The following DMKN variants were observed in gnomAD, a reference collection of about 807,000 sequenced individuals.
The protein encoded by DMKN is dermokine.
A neutral mutation model predicts 67.6 loss-of-function variants in DMKN; 58 were observed. The ratio of observed to expected loss-of-function variants is 0.86; its 90% CI spans 0.69 to 1.07. The LOEUF is 1.07. Among genes scored for constraint, DMKN ranks in the 50% least tolerant of loss-of-function variants. The probability of loss-of-function intolerance (pLI) is 0.00; values close to 1 mark genes in which losing one functional copy is unlikely to be tolerated. For synonymous variants in DMKN, 240 were observed against 232.3 expected (o/e 1.03, Z -0.30); for missense variants, 596 against 601.5 (o/e 0.99, Z 0.10).
intron 11 of DMKN, chr19:35,501,830 T>C (rs1320513460): frequency 6.4e-7 from 1 of 1,573,036 alleles, no homozygotes; most frequent in Non-Finnish European, 8.6e-7. Flanking sequence ...CACCCAGCCG[T>C]GGCTCCCCTG....
intron 7 of DMKN, chr19:35,507,390 T>A (rs1568610168): frequency 6.8e-7 from 1 of 1,461,964 alleles, no homozygotes; most frequent in Non-Finnish European, 9.3e-7. Flanking sequence ...TTTGTTTCTT[T>A]TCCCAGGATC....
At chr19:35,504,295 G>A (rs2069007478) in intron 9 of DMKN, among the ~76,000 whole-genome samples, 1 of 152,184 alleles carries the variant, frequency 6.6e-6, no homozygotes, top group African/African-American at 2.4e-5. Context: ...GAAACAGAGA[G>A]GCCAGATGCA....
In DMKN at chr19:35,509,841, TAGG is replaced by T. The variant is rs900495727; in HGVS notation, c.1038+67_1038+69del. On this transcript the variant is annotated intron_variant, in intron 7 of 15. Coordinates refer to ENST00000339686, the MANE Select transcript of DMKN (RefSeq NM_033317.5). ...AGGAGGGGGTTGAGCAGAGTTGAGT[TAGG>T]AGGAGTGGGCACAGTCCTGGGCAGG... is the stretch of plus-strand genomic sequence containing the variant. 3.1e-5 allele frequency: 49 copies of T among 1,570,956 alleles called. No individual in the cohort carries two copies. In the African/African-American group the frequency reaches 5.3e-4, roughly 17 times the overall value.
chr19:35,498,718 A>T lies in DMKN; in HGVS notation c.1429T>A (p.Ter477LysextTer78). 1 of 1,613,936 alleles carries T rather than the reference A, an allele frequency of 6.2e-7. No homozygotes were observed. The highest frequency in any genetic ancestry group is 8.5e-7 in the Non-Finnish European group (1 of 1,179,984). ...PGLLQWVKFW* is the reference protein window; with the variant it reads ...PGLLQWVKFWK ...GGTCGGCTCACTCTGACACTCACCT[A>T]CCAAAACTTCACCCACTGCAGCAGG... The change falls in exon 15 of 16, where the codon TAG becomes AAG. Residue 477 changes from the stop codon to lysine, a stop_lost and splice_region_variant. Transcript: ENST00000339686.
chr19:35,512,533 A>C, intron 2 of DMKN, 56 bp from the exon 3 acceptor site: 1 of 1,613,942 alleles, frequency 6.2e-7, no homozygotes, highest in Non-Finnish European at 8.5e-7. Flanking sequence ...AGGCACGCGG[A>C]GCATGTGGGC....
rs1018093088 is a variant in DMKN, at chr19:35,507,938, T to C, written c.1039-1952A>G. ...GATTGGCATTAGTAAAAAAAGGAGA[T>C]GCTAGCTGGAGAGCCAGTGGGGGCT... is the stretch of plus-strand genomic sequence containing the variant. On this transcript the variant is annotated intron_variant, in intron 7 of 15. Transcript: ENST00000339686. 5 of 475,700 alleles carry C rather than the reference T, an allele frequency of 1.1e-5. No homozygotes were observed. In the Admixed American group the frequency reaches 1.5e-4, roughly 14 times the overall value. 29.5% of individuals were successfully genotyped at this position (475,700 alleles called of 1,614,324 possible).
At chr19:35,501,111 G>A (rs1301860082) in intron 11 of DMKN, among the ~76,000 whole-genome samples, 4 of 152,006 alleles carry the variant, frequency 2.6e-5, no homozygotes, top group Non-Finnish European at 4.4e-5. Flanking sequence ...CAGATGCACC[G>A]GACACCCCCC....
In DMKN at chr19:35,511,479, C is replaced by T. The variant is rs12981076; in HGVS notation, c.850G>A (p.Gly284Ser). Residue 284 changes from glycine (G) to serine (S), a missense_variant, in exon 5 of 16, where the codon GGC (glycine) becomes AGC (serine). By Grantham distance (56) the Gly-to-Ser change is moderately conservative. Coordinates refer to ENST00000339686, the MANE Select transcript of DMKN (RefSeq NM_033317.5). ...TTGCCACTGCTGCCACCACTGCTGC[C>T]GCCACTGCTGCCGCCACTGCTGCTG... ...SGSSSGGSSG[G>S]SSGGSSGNSG... The T allele has an allele frequency of 2.4e-3, 2,261 of 955,198 alleles. 23 individuals are homozygous for T. The African/African-American group carries it at 0.032, about 13-fold the overall frequency. The allele number at this position is 955,198 out of a possible 1,614,324, so 59.2% of individuals were successfully genotyped here. A position where few individuals can be genotyped will look rare whatever the true frequency, so the allele number is the denominator to read the frequency against.
intron 11 of DMKN, 95 bp downstream of exon 11, chr19:35,502,041 G>A: frequency 1.6e-5 from 26 of 1,600,342 alleles, no homozygotes; most frequent in Non-Finnish European, 2.1e-5. Context: ...AAAGTGGGAA[G>A]GGAGGGGAAG....
intron 7 of DMKN, chr19:35,509,615 C>T (rs982820018): frequency 2.9e-6 from 1 of 349,904 alleles, no homozygotes. Context: ...GTCTGTTCCC[C>T]GGCTGGATAG....
chr19:35,501,903 T>C (rs368898475), intron 11 of DMKN: 32 of 1,577,408 alleles, frequency 2.0e-5, no homozygotes, highest in Non-Finnish European at 2.6e-5. Flanking sequence ...TTCATGTTCA[T>C]GTGCTTGTGG....
At position 35,513,372 on chromosome 19, in the gene DMKN, A is replaced by G. The variant is rs761884023; in HGVS notation, c.104T>C (p.Ile35Thr). 62 of 1,612,678 alleles carry G rather than the reference A, an allele frequency of 3.8e-5. 1 individual carries two copies. The Middle Eastern group carries it at 4.9e-3, about 129-fold the overall frequency. The change falls in exon 1 of 16, where the codon ATT becomes ACT. Residue 35 changes from isoleucine (I) to threonine (T), a missense_variant. Transcript: ENST00000339686. ...QSGEESTGTN[I>T]GEALGHGLGD... ...CAGGCCATGTCCAAGGGCCTCCCCA[A>G]TATTTGTCCCAGTGCTTTCCTCTCC...
intron 9 of DMKN, chr19:35,503,190 T>A: frequency 7.2e-7 from 1 of 1,398,398 alleles, no homozygotes. Flanking sequence ...AGTGTCCCCT[T>A]TCCACCTGCC....
intron 5 of DMKN, among the ~76,000 whole-genome samples, chr19:35,511,149 A>G (rs907500392): frequency 2.0e-5 from 3 of 152,154 alleles, no homozygotes; most frequent in Non-Finnish European, 1.5e-5. Context: ...CAGGCGGGAT[A>G]ACGTCCCCAC....
intron 7 of DMKN, chr19:35,506,353 G>A: frequency 1.5e-6 from 1 of 682,398 alleles, no homozygotes; most frequent in Non-Finnish European, 2.5e-6. Flanking sequence ...AGTTCACTTG[G>A]GAAAGCTTTC....
At chr19:35,510,095 G>A (rs921375534) in intron 6 of DMKN, 89 bp downstream of exon 6, 15 of 1,565,362 alleles carry the variant, frequency 9.6e-6, no homozygotes, top group Non-Finnish European at 1.3e-5. Context: ...CCATCTCCGC[G>A]GAGCCTTGGC....
intron 5 of DMKN, 81 bp from the exon 6 acceptor site, chr19:35,510,333 T>C: frequency 6.4e-7 from 1 of 1,553,188 alleles, no homozygotes; most frequent in Non-Finnish European, 8.7e-7. Flanking sequence ...GTTACAGATT[T>C]GTTGGAACCC....
chr19:35,506,452 C>A (rs1037373230), intron 7 of DMKN: 3 of 641,394 alleles, frequency 4.7e-6, no homozygotes, highest in Non-Finnish European at 8.7e-6. Context: ...GTCCCCAAAA[C>A]ACCTCAAGCA....
chr19:35,498,606 A>G (rs1211230021), intron 15 of DMKN, 110 bp downstream of exon 15: 3 of 1,465,652 alleles, frequency 2.0e-6, no homozygotes, highest in African/African-American at 2.8e-5. Flanking sequence ...ACCTGACTTC[A>G]TGTCGCTGCC....
Sources: allele counts gnomAD v4.1 joint callset (sites outside exome capture counted in the v4.1 genomes callset), GRCh38; gene constraint gnomAD v4.1.1; transcripts MANE v1.5; gene names NCBI Gene and HGNC (gene_info 2026-07-23, HGNC 2026-07-21).